Variants in ASAP2 observed in about 807,000 individuals in gnomAD.
ASAP2 encodes the protein arf-GAP with SH3 domain, ANK repeat and PH domain-containing protein 2.
ASAP2 carries 45 observed loss-of-function variants against 131.4 expected under a neutral mutation model. The observed-to-expected ratio is 0.34, with a 90% CI of 0.27 to 0.44. The LOEUF is 0.44. Ranked by LOEUF, ASAP2 falls within the 20% of genes least tolerant of loss-of-function variation. ASAP2 has a pLI of 1.00. For missense variants in ASAP2, 1,011 were observed against 1,297.0 expected, an observed-to-expected ratio of 0.78 and a Z score of 3.39; for synonymous variants, 510 against 503.0, an observed-to-expected ratio of 1.01 and a Z score of -0.19.
intron 1 of ASAP2, among the ~76,000 whole-genome samples, chr2:9,267,416 T>G (rs1329460082): frequency 1.3e-5 from 2 of 152,188 alleles, no homozygotes; most frequent in Non-Finnish European, 2.9e-5. Context: ...TGTTCCTGTG[T>G]TGATTTGCTT....
At chr2:9,403,213 T>C (rs1354298619) in intron 27 of ASAP2, 40 bp from the exon 28 acceptor site, 1 of 1,590,432 alleles carries the variant, frequency 6.3e-7, no homozygotes, top group Non-Finnish European at 8.6e-7. Flanking sequence ...CCACCAACAT[T>C]TGGAATTTTA....
rs1669313090 is a variant in ASAP2, at chr2:9,311,727, GAC to G, written c.346-6791_346-6790del. ...TTCGGCTGCGGGCCTGAGGCTGCTGGACACACAGAGGAAGCCCAGAGCCTGCC... is the reference window on the plus strand; with the variant it reads ...TTCGGCTGCGGGCCTGAGGCTGCTGGACACAGAGGAAGCCCAGAGCCTGCC... On this transcript the variant is annotated intron_variant, in intron 3 of 27. Transcript: ENST00000281419. This position sits in a 1 kb window ranked among gnomAD's most constrained non-coding sequence, Gnocchi z 5.2. Among the ~76,000 whole-genome samples the G allele has an allele frequency of 6.6e-6, 1 of 152,198 alleles. No homozygotes were observed. The highest frequency in any genetic ancestry group is 2.4e-5 in the African/African-American group (1 of 41,452).
intron 9 of ASAP2, among the ~76,000 whole-genome samples, chr2:9,336,706 A>G (rs1671228471): frequency 6.6e-6 from 1 of 152,144 alleles, no homozygotes; most frequent in Admixed American, 6.5e-5. Context: ...GTAGGCCCTG[A>G]CGCTTTGATA....
chr2:9,323,731 G>A (rs573521554), intron 6 of ASAP2, among the ~76,000 whole-genome samples: 4 of 152,192 alleles, frequency 2.6e-5, no homozygotes, highest in Admixed American at 2.0e-4. Flanking sequence ...CTGCTCAGGC[G>A]GGGGCACTCA....
intron 3 of ASAP2, among the ~76,000 whole-genome samples, chr2:9,302,169 CTTTTT>C (rs57906310): frequency 1.2e-5 from 1 of 82,920 alleles, no homozygotes; most frequent in Non-Finnish European, 2.3e-5. Flanking sequence ...AGTTAGAAGC[CTTTTT>C]TTTTTTTTTT....
At chr2:9,284,960 G>C (rs1667373732) in intron 2 of ASAP2, among the ~76,000 whole-genome samples, 1 of 152,178 alleles carries the variant, frequency 6.6e-6, no homozygotes, top group African/African-American at 2.4e-5. Context: ...TGTTTTCACA[G>C]CCTGAAAGCT....
intron 20 of ASAP2, 73 bp downstream of exon 20, chr2:9,380,881 C>T (rs1439983380): frequency 1.3e-6 from 2 of 1,494,208 alleles, no homozygotes; most frequent in Non-Finnish European, 1.8e-6. Context: ...CCTCCTTGGG[C>T]AGGGTTTGCT....
At chr2:9,382,136 A>G (rs572993808) in intron 20 of ASAP2, among the ~76,000 whole-genome samples, 13 of 152,078 alleles carry the variant, frequency 8.5e-5, no homozygotes, top group Non-Finnish European at 1.8e-4. Flanking sequence ...GGCACCTGCC[A>G]CCACGCCCAG....
At chr2:9,211,380 C>CT (rs893578976) in intron 1 of ASAP2, among the ~76,000 whole-genome samples, 16 of 151,450 alleles carry the variant, frequency 1.1e-4, no homozygotes, top group Admixed American at 6.6e-4. Context: ...TTTTTTGTTC[C>CT]TTTTTTTTCT....
chr2:9,334,171 C>T (rs1211825192), intron 7 of ASAP2, among the ~76,000 whole-genome samples: 2 of 149,570 alleles, frequency 1.3e-5, no homozygotes, highest in African/African-American at 4.9e-5. Flanking sequence ...CTCAGCCTCC[C>T]GAGTAGTAGC....
intron 3 of ASAP2, among the ~76,000 whole-genome samples, chr2:9,313,240 T>G (rs1275675019): frequency 6.6e-6 from 1 of 152,206 alleles, no homozygotes; most frequent in Admixed American, 6.5e-5. Flanking sequence ...TGAATGTTTT[T>G]GCTGTAGGTC....
intron 1 of ASAP2, among the ~76,000 whole-genome samples, chr2:9,242,398 T>C (rs189456287): frequency 1.1e-3 from 164 of 152,360 alleles, no homozygotes; most frequent in Non-Finnish European, 3.7e-4. Flanking sequence ...GTGATCTGCT[T>C]CTAGAAGCCT....
At chr2:9,243,571 T>C (rs1664132314) in intron 1 of ASAP2, among the ~76,000 whole-genome samples, 1 of 152,236 alleles carries the variant, frequency 6.6e-6, no homozygotes, top group Admixed American at 6.5e-5. Flanking sequence ...TGTATTAAAA[T>C]ACTTCCTAGG....
chr2:9,327,184 T>G (rs1448910694), intron 6 of ASAP2, among the ~76,000 whole-genome samples: 1 of 151,648 alleles, frequency 6.6e-6, no homozygotes, highest in Admixed American at 6.6e-5. Context: ...CAGCAGCTTT[T>G]CCAGGGGACA....
At chr2:9,298,785 G>A (rs541771977) in intron 3 of ASAP2, among the ~76,000 whole-genome samples, 10 of 152,216 alleles carry the variant, frequency 6.6e-5, no homozygotes, top group African/African-American at 2.4e-4. Context: ...GCACCTGGGT[G>A]GATAAGCCCT....
chr2:9,256,162 CAAAAAAAAA>C (rs71389235), intron 1 of ASAP2, among the ~76,000 whole-genome samples: 1 of 86,838 alleles, frequency 1.2e-5, no homozygotes, highest in South Asian at 3.7e-4. Flanking sequence ...GGGTCCCCTG[CAAAAAAAAA>C]AAAAAAAAAA....
rs1254189867 is a variant in ASAP2, at chr2:9,379,015, A to T, written c.1904A>T (p.Glu635Val). The T allele has an allele frequency of 1.3e-6, 2 of 1,578,506 alleles. No individual in the cohort carries two copies. The highest frequency in any genetic ancestry group is 1.7e-6 in the Non-Finnish European group (2 of 1,161,752). Reference protein sequence around the residue: ...LHYCCLTDNAECLKLLLRGKA... With the variant: ...LHYCCLTDNAVCLKLLLRGKA... ...TACTGCTGCCTGACCGACAATGCCG[A>T]GTGCCTCAAGTTGCTCCTGCGGGGG... The change falls in exon 19 of 28, where the codon GAG becomes GTG. Residue 635 changes from glutamate (E) to valine (V), a missense_variant. Around this residue, in one of 2 missense-constraint regions of ASAP2, gnomAD observed 652 missense variants for 698.9 expected, o/e 0.93. Coordinates refer to ENST00000281419, the MANE Select transcript of ASAP2 (RefSeq NM_003887.3).
At chr2:9,353,166 T>C (rs1426341520) in intron 12 of ASAP2, among the ~76,000 whole-genome samples, 2 of 152,148 alleles carry the variant, frequency 1.3e-5, no homozygotes, top group Non-Finnish European at 2.9e-5. Context: ...TTCTGGCTGA[T>C]TGAGGAGCAT....
At chr2:9,395,585 G>GTTTTT (rs1312749688) in intron 24 of ASAP2, among the ~76,000 whole-genome samples, 1 of 76,214 alleles carries the variant, frequency 1.3e-5, no homozygotes, top group Non-Finnish European at 3.2e-5. Context: ...TTTTTCTTGT[G>GTTTTT]TTTTTTTTCT....
Sources: gnomAD v4.1 joint callset for allele counts (sites outside exome capture counted in the v4.1 genomes callset) on GRCh38, gnomAD v4.1.1 for gene constraint, gnomAD v4.1.1 regional missense constraint, Gnocchi (gnomAD v3.1) non-coding constraint, MANE v1.5 for transcripts, NCBI Gene and HGNC (gene_info 2026-07-23, HGNC 2026-07-21) for gene names.